The following CHD9 variants were observed in gnomAD, a reference collection of about 807,000 sequenced individuals.
CHD9 encodes chromodomain helicase DNA binding protein 9.
In CHD9, 77 loss-of-function variants were observed where a neutral mutation model predicts 316.1. That is an observed-to-expected ratio of 0.24 (90% CI 0.20 to 0.29). The LOEUF (loss-of-function observed/expected upper bound fraction) is 0.29. Among genes scored for constraint, CHD9 ranks in the 10% least tolerant of loss-of-function variants. The pLI is 1.00. For missense variants in CHD9, 2,763 were observed against 3,438.1 expected (o/e 0.80, Z 4.91); for synonymous variants, 1,129 against 1,158.3 (o/e 0.97, Z 0.51).
At chr16:53,285,350 A>T (rs1328426522) in intron 24 of CHD9, among the ~76,000 whole-genome samples, 1 of 152,194 alleles carries the variant, frequency 6.6e-6, no homozygotes, top group Non-Finnish European at 1.5e-5. Context: ...CTTTAAGAAA[A>T]TTGTTTAGTA....
intron 19 of CHD9, among the ~76,000 whole-genome samples, chr16:53,261,359 CTTTTTTTTTTT>C (rs1195811638): frequency 4.8e-5 from 3 of 61,880 alleles, no homozygotes; most frequent in African/African-American, 6.5e-5. Flanking sequence ...GTGTTTTAGA[CTTTTTTTTTTT>C]TTTTTTTTTT....
chr16:53,175,520 A>T (rs1295166017), intron 2 of CHD9, among the ~76,000 whole-genome samples: 1 of 152,120 alleles, frequency 6.6e-6, no homozygotes, highest in Non-Finnish European at 1.5e-5. Context: ...GGTCCCTATT[A>T]CTCCATCTTG....
At chr16:53,235,127 C>T in intron 10 of CHD9, 58 bp from the exon 11 acceptor site, 1 of 1,427,554 alleles carries the variant, frequency 7.0e-7, no homozygotes, top group Non-Finnish European at 9.5e-7. Flanking sequence ...ATGCTTTTTG[C>T]CTTCAGTATG....
At chr16:53,091,312 A>T (rs1596952302) in intron 1 of CHD9, among the ~76,000 whole-genome samples, 1 of 152,226 alleles carries the variant, frequency 6.6e-6, no homozygotes, top group Admixed American at 6.5e-5. Flanking sequence ...ACCTTGGGCA[A>T]GCTGCTCTCT....
intron 30 of CHD9, 56 bp from the exon 31 acceptor site, chr16:53,303,664 A>C: frequency 8.1e-7 from 1 of 1,234,476 alleles, no homozygotes; most frequent in Non-Finnish European, 1.1e-6. Flanking sequence ...ATAATGATTT[A>C]TTTATAAATA....
chr16:53,286,076 A>ATT, intron 25 of CHD9, 150 bp from the exon 26 acceptor site: 1 of 537,600 alleles, frequency 1.9e-6, no homozygotes, highest in Admixed American at 3.1e-5. Flanking sequence ...GTTTGTGATA[A>ATT]TTTCTAGAAA....
chr16:53,246,040 G>A (rs2049559023), intron 15 of CHD9, among the ~76,000 whole-genome samples, 190 bp downstream of exon 15: 1 of 152,152 alleles, frequency 6.6e-6, no homozygotes, highest in Admixed American at 6.5e-5. Flanking sequence ...AACACACCAG[G>A]TTATGACAGC....
intron 3 of CHD9, among the ~76,000 whole-genome samples, chr16:53,218,699 C>A (rs938077901): frequency 6.6e-6 from 1 of 152,072 alleles, no homozygotes; most frequent in Non-Finnish European, 1.5e-5. Context: ...TGTGCATTCA[C>A]GTAATTCATT....
At chr16:53,198,229 C>T (rs11075783) in intron 2 of CHD9, among the ~76,000 whole-genome samples, 42,805 of 151,744 alleles carry the variant, frequency 0.28, 6,150 homozygotes, top group Middle Eastern at 0.32. Flanking sequence ...GATAGTTTCA[C>T]ACTACCAAGT....
At chr16:53,257,591 C>G (rs2050713859) in intron 19 of CHD9, among the ~76,000 whole-genome samples, 1 of 151,972 alleles carries the variant, frequency 6.6e-6, no homozygotes, top group Non-Finnish European at 1.5e-5. Context: ...GCTTAAGTAG[C>G]TAGGAGGGTC....
At chr16:53,258,024 T>G (rs1416276564) in intron 19 of CHD9, among the ~76,000 whole-genome samples, 2 of 152,160 alleles carry the variant, frequency 1.3e-5, no homozygotes, top group African/African-American at 2.4e-5. Context: ...TTAAAGTTGT[T>G]GTTTTGTTTT....
chr16:53,138,544 G>C (rs917533093), intron 1 of CHD9, among the ~76,000 whole-genome samples: 4 of 152,180 alleles, frequency 2.6e-5, no homozygotes, highest in African/African-American at 4.8e-5. Context: ...GGAGGCGAAG[G>C]GGTTAATTGA....
chr16:53,076,448 G>A (rs571639873), intron 1 of CHD9, among the ~76,000 whole-genome samples: 11 of 152,036 alleles, frequency 7.2e-5, no homozygotes, highest in East Asian at 3.9e-4. Flanking sequence ...GGTGGCAGGC[G>A]CCTATAATTC....
chr16:53,293,475 G>GCC (rs2054526172), intron 29 of CHD9, among the ~76,000 whole-genome samples: 2 of 151,958 alleles, frequency 1.3e-5, no homozygotes, highest in Non-Finnish European at 2.9e-5. Context: ...AATTAGCCAG[G>GCC]TGTGGTGGCG....
At chr16:53,300,365 A>G (rs941804373) in intron 30 of CHD9, among the ~76,000 whole-genome samples, 1 of 152,136 alleles carries the variant, frequency 6.6e-6, no homozygotes, top group African/African-American at 2.4e-5. Context: ...AAAAAAAAAA[A>G]GAATTGCCTA....
chr16:53,248,479 T>C (rs2049840095), intron 16 of CHD9, among the ~76,000 whole-genome samples: 1 of 151,660 alleles, frequency 6.6e-6, no homozygotes, highest in Admixed American at 6.6e-5. Flanking sequence ...ATAGATTTTT[T>C]ATTTTATTTT....
chr16:53,275,604 C>T (rs1464260678), intron 24 of CHD9, among the ~76,000 whole-genome samples: 5 of 152,098 alleles, frequency 3.3e-5, no homozygotes, highest in Non-Finnish European at 7.4e-5. Context: ...AGTCACCTTT[C>T]CCAGTTTTCT....
At chr16:53,282,343 C>T (rs1243530635) in intron 24 of CHD9, among the ~76,000 whole-genome samples, 1 of 152,148 alleles carries the variant, frequency 6.6e-6, no homozygotes, top group East Asian at 1.9e-4. Flanking sequence ...TTCACAGTGA[C>T]CAGTCCTGTA....
Position 53,157,365 on chromosome 16 carries a change from G to A in CHD9, c.1276G>A (p.Asp426Asn). 6.2e-7 allele frequency: 1 copy of A among 1,613,986 alleles called. No homozygotes were observed. Among genetic ancestry groups the A allele is most frequent in the Admixed American group, 1.7e-5 (1 of 60,006 alleles). The change falls in exon 2 of 39, where the codon GAT (aspartate) becomes AAT (asparagine). Residue 426 changes from aspartate to asparagine, a missense_variant. Physicochemically the swap from Asp to Asn is conservative, Grantham distance 23. This residue lies in a region of CHD9 where 859 missense variants were observed against 890.4 expected (regional missense o/e 0.96). Coordinates refer to ENST00000447540, the MANE Select transcript of CHD9 (RefSeq NM_001308319.2). ...CTTTGATGAGTCAACATTCGGACAAGATAATTCAAGTCACATTTTAGATCA... is the reference window on the plus strand; with the variant it reads ...CTTTGATGAGTCAACATTCGGACAAAATAATTCAAGTCACATTTTAGATCA... Reference protein sequence around the residue: ...PHFDESTFGQDNSSHILDHDL... With the variant: ...PHFDESTFGQNNSSHILDHDL...
Sources: allele counts gnomAD v4.1 joint callset (sites outside exome capture counted in the v4.1 genomes callset), GRCh38; gene constraint gnomAD v4.1.1; regional missense constraint gnomAD v4.1.1; transcripts MANE v1.5; gene names NCBI Gene and HGNC (gene_info 2026-07-23, HGNC 2026-07-21).